CTIF: variants seen among roughly 807,000 people sequenced by gnomAD.
CTIF encodes the protein cap binding complex dependent translation initiation factor.
CTIF carries 21 observed loss-of-function variants against 66.0 expected under a neutral mutation model. The observed-to-expected ratio is 0.32, with a 90% CI of 0.23 to 0.46. The LOEUF (loss-of-function observed/expected upper bound fraction) is 0.46, where lower values mean the gene tolerates loss of function less well. Among genes scored for constraint, CTIF ranks in the 20% least tolerant of loss-of-function variants. The probability of loss-of-function intolerance (pLI) is 1.00; values close to 1 mark genes in which losing one functional copy is unlikely to be tolerated. For synonymous variants in CTIF, 345 were observed against 326.4 expected, an observed-to-expected ratio of 1.06 and a Z score of -0.62; for missense variants, 739 against 812.7, an observed-to-expected ratio of 0.91 and a Z score of 1.10.
chr18:48,704,715 C>G lies in CTIF; in HGVS notation c.508-6904C>G, dbSNP rs575688453. Among the ~76,000 whole-genome samples, 3 of 152,354 alleles carry G rather than the reference C, an allele frequency of 2.0e-5. No individual in the cohort carries two copies. In the South Asian group the frequency reaches 6.2e-4, roughly 32 times the overall value. ...ACATCAGTCATATCGGACCGGGGCC[C>G]CACACATGCACATTCCAATGTGTCC... On this transcript the variant is annotated intron_variant, in intron 6 of 11. Transcript: ENST00000256413.
intron 3 of CTIF, among the ~76,000 whole-genome samples, chr18:48,660,858 G>A (rs2091330496): frequency 6.6e-6 from 1 of 152,196 alleles, no homozygotes; most frequent in Non-Finnish European, 1.5e-5. Context: ...AAGATGCTTT[G>A]CACTTCTAGG....
At chr18:48,754,373 C>T (rs1221250822) in intron 7 of CTIF, among the ~76,000 whole-genome samples, 1 of 152,122 alleles carries the variant, frequency 6.6e-6, no homozygotes, top group African/African-American at 2.4e-5. Context: ...CACGGAGCCT[C>T]GGTTGTCTTA....
chr18:48,636,662 C>G lies in CTIF; in HGVS notation c.229C>G (p.Arg77Gly), dbSNP rs34998380. ...EPLDSSCSFS[R>G]GRAPPQQNGS... ...GCTGGACAGCAGCTGTTCCTTCTCC[C>G]GAGGGCGAGCCCCCCCACAGCAGGT... Residue 77 changes from arginine (R) to glycine (G), a missense_variant, in exon 3 of 12, where the codon CGA becomes GGA. Physicochemically the swap from Arg to Gly is moderately radical, Grantham distance 125. This residue lies in a region of CTIF where 529 missense variants were observed against 520.3 expected (regional missense o/e 1.02). Transcript: ENST00000256413. 19 of 1,600,734 alleles carry G rather than the reference C, an allele frequency of 1.2e-5. No homozygotes were observed. In the South Asian group the frequency reaches 1.7e-4, roughly 14 times the overall value.
At chr18:48,645,580 G>A (rs372140310) in intron 3 of CTIF, among the ~76,000 whole-genome samples, 10 of 152,146 alleles carry the variant, frequency 6.6e-5, no homozygotes, top group East Asian at 1.9e-4. Flanking sequence ...TTTCGTCCCC[G>A]CCAACTGGTG....
intron 1 of CTIF, among the ~76,000 whole-genome samples, chr18:48,541,328 C>G (rs2088612553): frequency 6.6e-6 from 1 of 152,128 alleles, no homozygotes; most frequent in African/African-American, 2.4e-5. Context: ...CTGGAGCCGC[C>G]GGCTCGGCCG....
rs1204025303 is a variant in CTIF, at chr18:48,758,125, A to G, written c.791A>G (p.Glu264Gly). ...AAGCACCCACCAGGCGACAAGGGGG[A>G]GGCAGGCGCACACCGCAATGCCAAA... ...NMKHPPGDKG[E>G]AGAHRNAKET... Residue 264 changes from glutamate (E) to glycine (G), a missense_variant, in exon 8 of 12, where the codon GAG becomes GGG. Around this residue, in one of 2 missense-constraint regions of CTIF, gnomAD observed 529 missense variants for 520.3 expected, o/e 1.02. Coordinates refer to ENST00000256413, the MANE Select transcript of CTIF (RefSeq NM_014772.3). 6.2e-7 allele frequency: 1 copy of G among 1,613,782 alleles called. No homozygotes were observed. Among genetic ancestry groups the G allele is most frequent in the Non-Finnish European group, 8.5e-7 (1 of 1,179,960 alleles).
At chr18:48,660,737 G>T (rs1250639308) in intron 3 of CTIF, among the ~76,000 whole-genome samples, 2 of 152,236 alleles carry the variant, frequency 1.3e-5, no homozygotes, top group African/African-American at 4.8e-5. Flanking sequence ...CTCGCTCCCT[G>T]CCAGTTGAGG....
At chr18:48,842,081 T>C (rs953455375) in intron 10 of CTIF, among the ~76,000 whole-genome samples, 1 of 151,512 alleles carries the variant, frequency 6.6e-6, no homozygotes, top group African/African-American at 2.4e-5. Flanking sequence ...TGCCAGGGGG[T>C]GGGAGGGTTG....
At chr18:48,858,937 C>G (rs2069392190) in intron 11 of CTIF, among the ~76,000 whole-genome samples, 1 of 152,132 alleles carries the variant, frequency 6.6e-6, no homozygotes, top group Non-Finnish European at 1.5e-5. Context: ...GAGAGACGCC[C>G]CAGCAAGTGA....
chr18:48,756,631 G>A (rs960764017), intron 7 of CTIF, among the ~76,000 whole-genome samples: 2 of 152,180 alleles, frequency 1.3e-5, no homozygotes, highest in African/African-American at 4.8e-5. Context: ...CTTATCTTGT[G>A]CTCCAACTGC....
intron 1 of CTIF, among the ~76,000 whole-genome samples, chr18:48,580,852 C>G (rs1020511364): frequency 1.9e-4 from 29 of 152,338 alleles, no homozygotes; most frequent in Admixed American, 1.9e-3. Context: ...CAGAGGAGGA[C>G]AAGTCCCCTG....
intron 9 of CTIF, among the ~76,000 whole-genome samples, chr18:48,780,262 G>A (rs1333005768): frequency 6.6e-6 from 1 of 152,196 alleles, no homozygotes; most frequent in Non-Finnish European, 1.5e-5. Flanking sequence ...AGCCAAGGCA[G>A]CCTGGGTTGC....
chr18:48,544,617 A>C (rs2088702086), intron 1 of CTIF, among the ~76,000 whole-genome samples: 1 of 152,204 alleles, frequency 6.6e-6, no homozygotes, highest in African/African-American at 2.4e-5. Flanking sequence ...CGATCTGTAG[A>C]GTGGAGCCAG....
chr18:48,806,179 AAAAT>A (rs2068143231), intron 9 of CTIF, among the ~76,000 whole-genome samples: 1 of 152,220 alleles, frequency 6.6e-6, no homozygotes, highest in Non-Finnish European at 1.5e-5. Context: ...GGCCAAATAA[AAAAT>A]AAAGCACCTT....
chr18:48,761,452 C>G lies in CTIF; in HGVS notation c.1134C>G (p.Ile378Met). ...ACAAGATGGACAAGCTGATCGAGAT[C>G]CTGAACAGCATGCGGAACAACAGCA... The part of the protein sequence containing the change: ...QQNKMDKLIE[I>M]LNSMRNNSSD... Residue 378 changes from isoleucine (I) to methionine (M), a missense_variant, in exon 9 of 12, where the codon ATC becomes ATG. Physicochemically the swap from Ile to Met is conservative, Grantham distance 10 (BLOSUM62 1). This residue lies in a region of CTIF where 529 missense variants were observed against 520.3 expected (regional missense o/e 1.02). Transcript: ENST00000256413. The surrounding 1 kb of genome is among the most constrained non-coding windows in gnomAD (Gnocchi z 4.2). 1 of 1,614,178 alleles carries G rather than the reference C, an allele frequency of 6.2e-7. No individual in the cohort carries two copies. Among genetic ancestry groups the G allele is most frequent in the Non-Finnish European group, 8.5e-7 (1 of 1,180,050 alleles).
Position 48,573,031 on chromosome 18 carries a change from G to A in CTIF, c.-29+33719G>A, listed in dbSNP as rs2089450663. Among the ~76,000 whole-genome samples, 5 of 152,096 alleles carry A rather than the reference G, an allele frequency of 3.3e-5. No homozygotes were observed. The South Asian group carries it at 1.0e-3, about 32-fold the overall frequency. ...AAAAGAAGGGCAATTGGCATTTTCAGCTCAGAGAACTGGCTGTGCAAAGGC... is the reference window on the plus strand; with the variant it reads ...AAAAGAAGGGCAATTGGCATTTTCAACTCAGAGAACTGGCTGTGCAAAGGC... On this transcript the variant is annotated intron_variant, in intron 1 of 11. Transcript: ENST00000256413.
intron 2 of CTIF, among the ~76,000 whole-genome samples, chr18:48,630,104 C>T (rs1238384288): frequency 6.6e-6 from 1 of 152,204 alleles, no homozygotes; most frequent in Non-Finnish European, 1.5e-5. Flanking sequence ...AAATCTCATG[C>T]TGTCTCTCCC....
At chr18:48,653,779 G>A (rs1017409084) in intron 3 of CTIF, among the ~76,000 whole-genome samples, 2 of 152,092 alleles carry the variant, frequency 1.3e-5, no homozygotes, top group African/African-American at 4.8e-5. Flanking sequence ...AAAACAGAGA[G>A]CTAGACCAAT....
chr18:48,619,942 C>A (rs759949372), intron 2 of CTIF, among the ~76,000 whole-genome samples, 197 bp downstream of exon 2: 8 of 152,184 alleles, frequency 5.3e-5, no homozygotes, highest in Non-Finnish European at 8.8e-5. Flanking sequence ...CACCCCGTCC[C>A]TCTAACCCAC....
Sources: allele counts gnomAD v4.1 joint callset (sites outside exome capture counted in the v4.1 genomes callset), GRCh38; gene constraint gnomAD v4.1.1; regional missense constraint gnomAD v4.1.1; non-coding constraint Gnocchi (gnomAD v3.1); transcripts MANE v1.5; gene names NCBI Gene and HGNC (gene_info 2026-07-23, HGNC 2026-07-21).